CLIC2: variants seen among roughly 807,000 people sequenced by gnomAD.
The protein encoded by CLIC2 is CLIC family member 2.
Under a neutral mutation model 14.8 loss-of-function variants are expected in CLIC2, and 9 were observed. The observed-to-expected ratio is 0.61, with a 90% confidence interval of 0.37 to 1.06. CLIC2 has a LOEUF of 1.06. CLIC2 is among the 50% of genes least tolerant of loss of function. CLIC2 has a pLI of 0.01. For missense variants in CLIC2, 148 were observed against 181.4 expected (o/e 0.82, Z 1.06); for synonymous variants, 61 against 66.3 (o/e 0.92, Z 0.39).
In CLIC2 at chrX:155,308,109, C is replaced by G. The variant is rs193016553; in HGVS notation, c.58-8964G>C. Among the ~76,000 whole-genome samples the G allele has an allele frequency of 2.7e-5, 3 of 109,586 alleles. No homozygotes were observed. The Admixed American group carries it at 2.9e-4, about 11-fold the overall frequency. On this transcript the variant is annotated intron_variant, in intron 1 of 5. Transcript: ENST00000369449. Reference sequence around the variant, plus strand: ...GACCAATCCTGGAGCAACAGAGATACGTGACATTTCAGACAAAGATTCAAA... The same window carrying G: ...GACCAATCCTGGAGCAACAGAGATAGGTGACATTTCAGACAAAGATTCAAA...
At chrX:155,305,336 T>C in intron 1 of CLIC2, among the ~76,000 whole-genome samples, 1 of 112,245 alleles carries the variant, frequency 8.9e-6, no homozygotes, top group Non-Finnish European at 1.9e-5. Flanking sequence ...GATCCGATTT[T>C]CCAGGTGCCA....
intron 1 of CLIC2, among the ~76,000 whole-genome samples, chrX:155,303,969 TC>T (rs1439384964): frequency 9.3e-6 from 1 of 107,096 alleles, no homozygotes; most frequent in African/African-American, 3.4e-5. Flanking sequence ...CTGATGGGCT[TC>T]CCTTTGAGGG....
intron 1 of CLIC2, among the ~76,000 whole-genome samples, chrX:155,321,762 C>T (rs782515205): frequency 4.2e-4 from 47 of 110,805 alleles, no homozygotes; most frequent in African/African-American, 1.2e-3. Context: ...ACACACAGAC[C>T]GGCAAATTGG....
At chrX:155,279,925 T>C (rs1482585938) in intron 4 of CLIC2, 37 bp downstream of exon 4, 1 of 953,293 alleles carries the variant, frequency 1.0e-6, no homozygotes, top group Non-Finnish European at 1.5e-6. Flanking sequence ...AGATGAAGAG[T>C]GAGAGAAAAA....
chrX:155,306,932 C>G (rs781793917), intron 1 of CLIC2, among the ~76,000 whole-genome samples: 1 of 111,475 alleles, frequency 9.0e-6, no homozygotes, highest in African/African-American at 3.3e-5. Context: ...AATATCTAAA[C>G]TATATCAGCC....
rs138483766 is a variant in CLIC2 at position 155,307,936 on chromosome X, C to T, written c.58-8791G>A. Among the ~76,000 whole-genome samples the T allele has an allele frequency of 1.1e-3, 119 of 110,659 alleles. 3 individuals carry two copies. In the East Asian group the frequency reaches 0.027, roughly 25 times the overall value. ...CAGGAAAGCCAAATTAAAGCCTTCC[C>T]AAGAACGATGGGTACAAACAGGCCC... On this transcript the variant is annotated intron_variant, in intron 1 of 5. Transcript: ENST00000369449.
intron 1 of CLIC2, among the ~76,000 whole-genome samples, chrX:155,328,055 T>C (rs1455600518): frequency 4.5e-5 from 5 of 111,422 alleles, no homozygotes; most frequent in Admixed American, 9.6e-5. Flanking sequence ...GCTAGTATTA[T>C]ACTGAATGGA....
chrX:155,305,331 G>T (rs1469925951), intron 1 of CLIC2, among the ~76,000 whole-genome samples: 3 of 112,155 alleles, frequency 2.7e-5, no homozygotes, highest in Non-Finnish European at 5.6e-5. Flanking sequence ...GGAGTGATCC[G>T]ATTTTCCAGG....
chrX:155,331,784 C>G (rs1452492367), intron 1 of CLIC2, among the ~76,000 whole-genome samples: 1 of 110,934 alleles, frequency 9.0e-6, no homozygotes, highest in African/African-American at 3.3e-5. Flanking sequence ...ACTGCCTTCT[C>G]TCATTTAATA....
At chrX:155,296,167 C>T (rs1362799533) in intron 3 of CLIC2, among the ~76,000 whole-genome samples, 2 of 111,787 alleles carry the variant, frequency 1.8e-5, no homozygotes, top group Non-Finnish European at 3.8e-5. Context: ...TAAAAATAGA[C>T]ACACAGAGCA....
At chrX:155,324,517 G>T (rs1242578937) in intron 1 of CLIC2, among the ~76,000 whole-genome samples, 2 of 111,559 alleles carry the variant, frequency 1.8e-5, no homozygotes, top group African/African-American at 6.5e-5. Context: ...AATGGGGAAA[G>T]ATTCCCTATT....
chrX:155,322,980 A>G (rs1385015246), intron 1 of CLIC2, among the ~76,000 whole-genome samples: 2 of 112,140 alleles, frequency 1.8e-5, no homozygotes, highest in African/African-American at 6.5e-5. Flanking sequence ...TCCTGGACAC[A>G]GGAAGAAGTC....
At chrX:155,332,560 ACT>A (rs1557322918) in intron 1 of CLIC2, among the ~76,000 whole-genome samples, 1 of 111,597 alleles carries the variant, frequency 9.0e-6, no homozygotes, top group Non-Finnish European at 1.9e-5. Context: ...TAGAATTCTA[ACT>A]CTGCCACTAA....
chrX:155,293,405 A>G (rs1201912375), intron 3 of CLIC2: 2 of 812,477 alleles, frequency 2.5e-6, no homozygotes, highest in Non-Finnish European at 3.7e-6. Context: ...CAGTGTGAGA[A>G]TAGTGGCCAT....
intron 3 of CLIC2, among the ~76,000 whole-genome samples, chrX:155,285,412 C>A (rs1267300115): frequency 1.8e-5 from 2 of 111,676 alleles, no homozygotes; most frequent in Non-Finnish European, 3.8e-5. Flanking sequence ...TGCACATCAT[C>A]CAAAGGTACT....
intron 3 of CLIC2, chrX:155,293,148 C>A (rs2074980674): frequency 1.5e-6 from 1 of 660,273 alleles, no homozygotes; most frequent in Non-Finnish European, 2.6e-6. Context: ...GCACTTCGGA[C>A]AGCTCCTCTG....
chrX:155,324,078 C>T lies in CLIC2; in HGVS notation c.57+10293G>A, dbSNP rs148503801. Among the ~76,000 whole-genome samples the T allele has an allele frequency of 6.9e-3, 776 of 112,047 alleles. 8 individuals are homozygous for T. Among genetic ancestry groups the T allele is most frequent in the African/African-American group, 0.024 (737 of 30,873 alleles). On this transcript the variant is annotated intron_variant, in intron 1 of 5. Coordinates refer to ENST00000369449, the MANE Select transcript of CLIC2 (RefSeq NM_001289.6). ...GCTCATGGATAGGAATAATCAATATCATGAAAATGGCCATGCTGCCCAAAG... is the reference window on the plus strand; with the variant it reads ...GCTCATGGATAGGAATAATCAATATTATGAAAATGGCCATGCTGCCCAAAG...
chrX:155,292,430 C>A (rs1031520898), intron 3 of CLIC2: 3 of 562,932 alleles, frequency 5.3e-6, no homozygotes, highest in Non-Finnish European at 9.7e-6. Context: ...CAGACCATTA[C>A]AAAGAGTATT....
chrX:155,283,160 C>T (rs1557316695), intron 3 of CLIC2, among the ~76,000 whole-genome samples: 1 of 112,500 alleles, frequency 8.9e-6, no homozygotes, highest in African/African-American at 3.2e-5. Context: ...GAATATTCAC[C>T]AGGATAGATC....
Sources: gnomAD v4.1 joint callset for allele counts (sites outside exome capture counted in the v4.1 genomes callset) on GRCh38, gnomAD v4.1.1 for gene constraint, MANE v1.5 for transcripts, NCBI Gene and HGNC (gene_info 2026-07-23, HGNC 2026-07-21) for gene names.